FHAD1: variants seen among roughly 807,000 people sequenced by gnomAD.
FHAD1 encodes forkhead-associated domain-containing protein 1.
FHAD1 carries 146 observed loss-of-function variants against 191.3 expected under a neutral mutation model. The observed-to-expected ratio is 0.76, with a 90% confidence interval of 0.67 to 0.88. The LOEUF (loss-of-function observed/expected upper bound fraction) is 0.88. FHAD1 is among the 40% of genes least tolerant of loss of function. FHAD1 has a pLI of 0.00. For missense variants in FHAD1, 1,635 were observed against 1,785.8 expected, an observed-to-expected ratio of 0.92 and a Z score of 1.52; for synonymous variants, 616 against 672.3, an observed-to-expected ratio of 0.92 and a Z score of 1.29.
In FHAD1 at chr1:15,289,482, C is replaced by G. The variant is rs1331443070; in HGVS notation, c.384C>G (p.Pro128=). 2.6e-6 allele frequency: 4 copies of G among 1,551,872 alleles called. No homozygotes were observed. Among genetic ancestry groups the G allele is most frequent in the Admixed American group, 3.9e-5 (2 of 51,010 alleles). Reference sequence around the variant, plus strand: ...CCACACAGCAGCCAAACCAGGCCCCCCCACCATCACATATCCCCTTCCACC... The same window carrying G: ...CCACACAGCAGCCAAACCAGGCCCCGCCACCATCACATATCCCCTTCCACC... The part of the protein sequence containing the change: ...PRATQQPNQA[P]PPSHIPFHQG... Residue 128 remains proline, a synonymous_variant, in exon 4 of 34, where the codon CCC becomes CCG. Transcript: ENST00000688493. The surrounding 1 kb of genome is among the most constrained non-coding windows in gnomAD (Gnocchi z 4.2).
intron 33 of FHAD1, among the ~76,000 whole-genome samples, chr1:15,392,116 G>A (rs750434244): frequency 6.6e-5 from 10 of 152,180 alleles, no homozygotes; most frequent in Non-Finnish European, 1.2e-4. Flanking sequence ...ATGGTGCTTC[G>A]CCTAAGAACA....
chr1:15,367,317 G>A (rs1383663318), intron 24 of FHAD1, 146 bp from the exon 25 acceptor site: 3 of 891,240 alleles, frequency 3.4e-6, no homozygotes, highest in Non-Finnish European at 4.9e-6. Context: ...CCAACATGGT[G>A]AAACCCTGTC....
chr1:15,371,653 CAGAG>C (rs547778567), intron 26 of FHAD1, among the ~76,000 whole-genome samples: 3 of 152,200 alleles, frequency 2.0e-5, no homozygotes, highest in African/African-American at 7.2e-5. Flanking sequence ...CTGCTATACA[CAGAG>C]AGACAGAGAG....
rs775405802 is a variant in FHAD1 at position 15,360,604 on chromosome 1, G to A, written c.2863G>A (p.Ala955Thr). 1.2e-4 allele frequency: 186 copies of A among 1,551,906 alleles called. No homozygotes were observed. Among genetic ancestry groups the A allele is most frequent in the East Asian group, 9.3e-4 (38 of 40,930 alleles). ...MEYKEQIKQH[A>T]QTIVSLEEKL... Reference sequence around the variant, plus strand: ...ATATAAGGAGCAAATCAAACAGCACGCCCAGACAATTGTGAGCCTCGAAGA... The same window carrying A: ...ATATAAGGAGCAAATCAAACAGCACACCCAGACAATTGTGAGCCTCGAAGA... The change falls in exon 22 of 34, where the codon GCC (alanine) becomes ACC (threonine). Residue 955 changes from alanine (A) to threonine (T), a missense_variant. Ala to Thr is a moderately conservative substitution (Grantham distance 58). Transcript: ENST00000688493.
intron 2 of FHAD1, among the ~76,000 whole-genome samples, chr1:15,252,833 C>T (rs1157209757): frequency 6.6e-6 from 1 of 152,140 alleles, no homozygotes; most frequent in African/African-American, 2.4e-5. Flanking sequence ...AGCTCATTGA[C>T]AACCAAAGAA....
intron 9 of FHAD1, among the ~76,000 whole-genome samples, chr1:15,317,035 A>G (rs1674668814): frequency 6.6e-6 from 1 of 152,102 alleles, no homozygotes; most frequent in South Asian, 2.1e-4. Context: ...AAATACAAAA[A>G]AATTAGCTGG....
At chr1:15,347,488 C>T (rs1689324385) in intron 18 of FHAD1, among the ~76,000 whole-genome samples, 1 of 152,192 alleles carries the variant, frequency 6.6e-6, no homozygotes, top group South Asian at 2.1e-4. Flanking sequence ...TTTTTTCTGT[C>T]TCCCAGGCTG....
rs1475507428 is a variant in FHAD1 at position 15,329,290 on chromosome 1, C to T, written c.1711-56C>T. On this transcript the variant is annotated intron_variant, in intron 13 of 33. Coordinates refer to ENST00000688493, the MANE Select transcript of FHAD1 (RefSeq NM_001391957.1). This position sits in a 1 kb window ranked among gnomAD's most constrained non-coding sequence, Gnocchi z 5.0. ...GAACGCTGTTCCTCGAAGGTCACGTCAGGGGCTATTTCTGGCCACAGGGCC... is the reference window on the plus strand; with the variant it reads ...GAACGCTGTTCCTCGAAGGTCACGTTAGGGGCTATTTCTGGCCACAGGGCC... The T allele has an allele frequency of 1.2e-5, 17 of 1,427,510 alleles. No individual in the cohort carries two copies. Among genetic ancestry groups the T allele is most frequent in the East Asian group, 2.5e-5 (1 of 39,698 alleles). 88.4% of individuals were successfully genotyped at this position (1,427,510 alleles called of 1,614,324 possible).
chr1:15,314,618 TGGGTGTG>T (rs2101241032), intron 8 of FHAD1: 1 of 45,490 alleles, frequency 2.2e-5, no homozygotes, highest in East Asian at 7.5e-4. Flanking sequence ...TATGTGGGTG[TGGGTGTG>T]AGGATGTATG....
chr1:15,283,760 G>T (rs111288016), intron 3 of FHAD1, among the ~76,000 whole-genome samples: 7 of 152,220 alleles, frequency 4.6e-5, no homozygotes, highest in East Asian at 1.9e-4. Flanking sequence ...CTTGCAGGAG[G>T]GAACCTATAA....
chr1:15,354,269 A>G (rs1182742582), intron 20 of FHAD1, among the ~76,000 whole-genome samples: 1 of 152,220 alleles, frequency 6.6e-6, no homozygotes, highest in Non-Finnish European at 1.5e-5. Context: ...AGGAAGCTGC[A>G]TGTTTCATAA....
intron 2 of FHAD1, among the ~76,000 whole-genome samples, chr1:15,260,333 C>T (rs1476274037): frequency 6.6e-6 from 1 of 152,182 alleles, no homozygotes; most frequent in African/African-American, 2.4e-5. Context: ...GTGCTTAGGA[C>T]AGTGCCTGGC....
chr1:15,310,271 G>A (rs1000248895), intron 7 of FHAD1, among the ~76,000 whole-genome samples: 1 of 152,192 alleles, frequency 6.6e-6, no homozygotes, highest in Non-Finnish European at 1.5e-5. Flanking sequence ...CAGGACCCAG[G>A]CCGCCTGGCC....
At chr1:15,392,115 C>T (rs944635662) in intron 33 of FHAD1, among the ~76,000 whole-genome samples, 17 of 152,290 alleles carry the variant, frequency 1.1e-4, no homozygotes, top group African/African-American at 3.4e-4. Flanking sequence ...GATGGTGCTT[C>T]GCCTAAGAAC....
In FHAD1 at chr1:15,369,418, G is replaced by A; in HGVS notation, c.3363G>A (p.Gln1121=). 6.4e-7 allele frequency: 1 copy of A among 1,551,914 alleles called. No individual in the cohort carries two copies. ...TCCAGCTGAACACAGAGAAGGAACA[G>A]AAGCCCCGGAAGAAGACCCAGACGT... ...HRLQLNTEKE[Q]KPRKKTQTCD... is the part of the protein sequence containing the mutation. The change falls in exon 26 of 34, where the codon CAG becomes CAA. Residue 1121 remains glutamine, a synonymous_variant. Coordinates refer to ENST00000688493, the MANE Select transcript of FHAD1 (RefSeq NM_001391957.1).
chr1:15,289,716 T>A lies in FHAD1; in HGVS notation c.568+50T>A. The A allele has an allele frequency of 1.3e-6, 2 of 1,508,226 alleles. No homozygotes were observed. Among genetic ancestry groups the A allele is most frequent in the Non-Finnish European group, 1.8e-6 (2 of 1,120,540 alleles). 93.4% of individuals were successfully genotyped at this position (1,508,226 alleles called of 1,614,324 possible). Reference sequence around the variant, plus strand: ...GGCTTGGGGGTGGTTCACGGCCATGTGGATGGGTCTTGGTTTTGGTTTACT... The same window carrying A: ...GGCTTGGGGGTGGTTCACGGCCATGAGGATGGGTCTTGGTTTTGGTTTACT... On this transcript the variant is annotated intron_variant, in intron 4 of 33. Transcript: ENST00000688493. The surrounding 1 kb of genome is among the most constrained non-coding windows in gnomAD (Gnocchi z 4.2).
rs1679718197 is a variant in FHAD1 at position 15,328,303 on chromosome 1, T to G, written c.1584T>G (p.Thr528=). 1.3e-6 allele frequency: 2 copies of G among 1,519,032 alleles called. No homozygotes were observed. 94.1% of individuals were successfully genotyped at this position (1,519,032 alleles called of 1,614,324 possible). A position where few individuals can be genotyped will look rare whatever the true frequency, so the allele number is the denominator to read the frequency against. Residue 528 remains threonine, a synonymous_variant, in exon 13 of 34, where the codon ACT becomes ACG. Transcript: ENST00000688493. ...QQLIEKITQV[T]EDNINFQQKK... Reference sequence around the variant, plus strand: ...TAATAGAGAAAATTACCCAGGTCACTGAGGACAACATCAATTTTCAGCAGA... The same window carrying G: ...TAATAGAGAAAATTACCCAGGTCACGGAGGACAACATCAATTTTCAGCAGA...
intron 27 of FHAD1, among the ~76,000 whole-genome samples, chr1:15,375,151 C>A (rs1029993785): frequency 6.6e-6 from 1 of 152,160 alleles, no homozygotes; most frequent in Non-Finnish European, 1.5e-5. Context: ...CCACCACACC[C>A]AGCCTACTTT....
Position 15,374,532 on chromosome 1 carries a change from T to G in FHAD1, c.3478T>G (p.Cys1160Gly). 1 of 1,551,748 alleles carries G rather than the reference T, an allele frequency of 6.4e-7. No homozygotes were observed. The highest frequency in any genetic ancestry group is 1.2e-5 in the South Asian group (1 of 84,058). The change falls in exon 27 of 34, where the codon TGC becomes GGC. Residue 1160 changes from cysteine (C) to glycine (G), a missense_variant. Transcript: ENST00000688493. The stretch of plus-strand genomic sequence containing the variant: ...ATCCTTCAGCGATCTAGGGGTCAGG[T>G]GCAAAGGGTCCCGGCACGAGGAGGT... ...QQSFSDLGVRCKGSRHEEVIQ... is the reference protein window; with the variant it reads ...QQSFSDLGVRGKGSRHEEVIQ...
Sources: gnomAD v4.1 joint callset for allele counts (sites outside exome capture counted in the v4.1 genomes callset) on GRCh38, gnomAD v4.1.1 for gene constraint, Gnocchi (gnomAD v3.1) non-coding constraint, MANE v1.5 for transcripts, NCBI Gene and HGNC (gene_info 2026-07-23, HGNC 2026-07-21) for gene names.